Variants in ZNF134 observed in about 807,000 individuals in gnomAD.
ZNF134 encodes the protein zinc finger protein 134 (clone pHZ-15).
ZNF134 carries 5 observed loss-of-function variants against 2.5 expected under a neutral mutation model. The ratio of observed to expected loss-of-function variants is 2.03; its 90% CI spans 1.06 to 4.27. The LOEUF (loss-of-function observed/expected upper bound fraction) is 4.27. ZNF134 is among the 30% of genes most tolerant of loss of function. The probability of loss-of-function intolerance (pLI) is 0.00; values close to 1 mark genes in which losing one functional copy is unlikely to be tolerated. For synonymous variants in ZNF134, 176 were observed against 176.2 expected, an observed-to-expected ratio of 1.00 and a Z score of 0.01; for missense variants, 540 against 517.5, an observed-to-expected ratio of 1.04 and a Z score of -0.42.
chr19:57,619,473 C>G lies in ZNF134; in HGVS notation c.5C>G (p.Thr2Ser). ...ACTCTGGCTGCCTGAGAGGGCATGA[C>G]TCTAGTCACAGCAGGAGGGGCTTGG... M[T>S]LVTAGGAWTG... Residue 2 changes from threonine to serine, a missense_variant, in exon 2 of 3, where the codon ACT becomes AGT. By Grantham distance (58) the Thr-to-Ser change is moderately conservative (BLOSUM62 1). Transcript: ENST00000396161. The G allele has an allele frequency of 6.2e-7, 1 of 1,606,120 alleles. No homozygotes were observed. Among genetic ancestry groups the G allele is most frequent in the Non-Finnish European group, 8.5e-7 (1 of 1,176,508 alleles).
Position 57,620,866 on chromosome 19 carries a change from G to A in ZNF134, c.747G>A (p.Gln249=), listed in dbSNP as rs1203604212. The A allele has an allele frequency of 6.2e-7, 1 of 1,614,058 alleles. No individual in the cohort carries two copies. Among genetic ancestry groups the A allele is most frequent in the Non-Finnish European group, 8.5e-7 (1 of 1,180,038 alleles). The change falls in exon 3 of 3, where the codon CAG becomes CAA. Residue 249 remains glutamine, a synonymous_variant. Coordinates refer to ENST00000396161, the MANE Select transcript of ZNF134 (RefSeq NM_003435.5). ...KTFSRKDNLT[Q]HKRIHTGEMP... is the part of the protein sequence containing the mutation. ...TCAGTCGAAAAGACAACCTTACTCA[G>A]CACAAGAGAATCCACACTGGAGAAA... is the stretch of plus-strand genomic sequence containing the variant.
Position 57,621,215 on chromosome 19 carries a change from C to G in ZNF134, c.1096C>G (p.His366Asp). 1 of 1,614,172 alleles carries G rather than the reference C, an allele frequency of 6.2e-7. No individual in the cohort carries two copies. Among genetic ancestry groups the G allele is most frequent in the Non-Finnish European group, 8.5e-7 (1 of 1,180,034 alleles). Reference sequence around the variant, plus strand: ...TGACTATATTGCACACCAGAGGGTTCACACTGGTGAAAGGCCTTTTGTGTG... The same window carrying G: ...TGACTATATTGCACACCAGAGGGTTGACACTGGTGAAAGGCCTTTTGTGTG... ...SSDYIAHQRVHTGERPFVCSK... is the reference protein window; with the variant it reads ...SSDYIAHQRVDTGERPFVCSK... The change falls in exon 3 of 3, where the codon CAC (histidine) becomes GAC (aspartate). Residue 366 changes from histidine (H) to aspartate (D), a missense_variant. His to Asp is a moderately conservative substitution (Grantham distance 81). Transcript: ENST00000396161.
rs147377351 is a variant in ZNF134, at chr19:57,617,726, A to G, written c.-57-1686A>G. Among the ~76,000 whole-genome samples the G allele has an allele frequency of 1.9e-4, 29 of 152,302 alleles. No homozygotes were observed. The East Asian group carries it at 3.3e-3, about 17-fold the overall frequency. ...CTTCCAATTTAGAGAGAGAATCTTT[A>G]GGTCATGGTGACAGTGCCATCAGCA... is the stretch of plus-strand genomic sequence containing the variant. On this transcript the variant is annotated intron_variant, in intron 1 of 2. Coordinates refer to ENST00000396161, the MANE Select transcript of ZNF134 (RefSeq NM_003435.5).
In ZNF134 at chr19:57,620,500, G is replaced by A. The variant is rs377534491; in HGVS notation, c.381G>A (p.Pro127=). 121 of 1,614,076 alleles carry A rather than the reference G, an allele frequency of 7.5e-5. No homozygotes were observed. The highest frequency in any genetic ancestry group is 9.2e-5 in the Non-Finnish European group (109 of 1,180,042). ...GCACAGTTAGCAAAGAACCTCATCC[G>A]TCAGAGAAGCCCTTTACGTGTAAGG... The part of the protein sequence containing the change: ...KNCTVSKEPH[P]SEKPFTCKEE... Residue 127 remains proline, a synonymous_variant, in exon 3 of 3, where the codon CCG becomes CCA. Coordinates refer to ENST00000396161, the MANE Select transcript of ZNF134 (RefSeq NM_003435.5).
rs373945795 is a variant in ZNF134 at position 57,620,347 on chromosome 19, A to G, written c.228A>G (p.Lys76=). ...ACCAGGGTACACACCATGGACTGAAACTTCACACATGTGGGGCATGTGGGA... is the reference window on the plus strand; with the variant it reads ...ACCAGGGTACACACCATGGACTGAAGCTTCACACATGTGGGGCATGTGGGA... ...DEHQGTHHGL[K]LHTCGACGRQ... Residue 76 remains lysine (K), a synonymous_variant, in exon 3 of 3, where the codon AAA becomes AAG. Coordinates refer to ENST00000396161, the MANE Select transcript of ZNF134 (RefSeq NM_003435.5). 8.7e-6 allele frequency: 14 copies of G among 1,614,198 alleles called. No individual in the cohort carries two copies. In the African/African-American group the frequency reaches 1.7e-4, roughly 20 times the overall value.
At position 57,621,037 on chromosome 19, in the gene ZNF134, T is replaced by C; in HGVS notation, c.918T>C (p.His306=). 3.7e-6 allele frequency: 6 copies of C among 1,613,714 alleles called. No individual in the cohort carries two copies. The South Asian group carries it at 5.5e-5, about 15-fold the overall frequency. ...GACACAAATCTACACTTGTTCAGCA[T>C]GAGAGTATTCACACTGGAGAAAATC... ...VFRHKSTLVQ[H]ESIHTGENPY... Residue 306 remains histidine (H), a synonymous_variant, in exon 3 of 3, where the codon CAT becomes CAC. Transcript: ENST00000396161.
rs1486050001 is a variant in ZNF134 at position 57,619,831 on chromosome 19, A to G, written c.40+323A>G. 3.9e-5 allele frequency among the ~76,000 whole-genome samples: 6 copies of G among 152,084 alleles called. No homozygotes were observed. The East Asian group carries it at 9.6e-4, about 24-fold the overall frequency. ...GAACACGTTACTTATTTTTAATCAC[A>G]TTTTCCTGGGCCTGTACTCACATTT... On this transcript the variant is annotated intron_variant, in intron 2 of 2. Transcript: ENST00000396161.
chr19:57,621,188 T>G lies in ZNF134; in HGVS notation c.1069T>G (p.Ser357Ala). 6.2e-7 allele frequency: 1 copy of G among 1,614,202 alleles called. No individual in the cohort carries two copies. Among genetic ancestry groups the G allele is most frequent in the Non-Finnish European group, 8.5e-7 (1 of 1,180,034 alleles). ...ATGCGGGAAATTCTTTAGTCGAAGT[T>G]CTGACTATATTGCACACCAGAGGGT... Reference protein sequence around the residue: ...IECGKFFSRSSDYIAHQRVHT... With the variant: ...IECGKFFSRSADYIAHQRVHT... The change falls in exon 3 of 3, where the codon TCT becomes GCT. Residue 357 changes from serine (S) to alanine (A), a missense_variant. Physicochemically the swap from Ser to Ala is moderately conservative, Grantham distance 99 (BLOSUM62 1). Transcript: ENST00000396161.
rs1287203703 is a variant in ZNF134, at chr19:57,621,519, G to A, written c.*116G>A. Reference sequence around the variant, plus strand: ...GTACGTGGGAACCTTCTAGGGATATGTTGCACTTTCTGACTTGCTCAGGTT... The same window carrying A: ...GTACGTGGGAACCTTCTAGGGATATATTGCACTTTCTGACTTGCTCAGGTT... On this transcript the variant is annotated 3_prime_UTR_variant, in exon 3 of 3. Coordinates refer to ENST00000396161, the MANE Select transcript of ZNF134 (RefSeq NM_003435.5). 1 of 1,518,066 alleles carries A rather than the reference G, an allele frequency of 6.6e-7. No homozygotes were observed. The highest frequency in any genetic ancestry group is 9.0e-7 in the Non-Finnish European group (1 of 1,106,378). The allele number at this position is 1,518,066 out of a possible 1,614,324, so 94.0% of individuals were successfully genotyped here. A position where few individuals can be genotyped will look rare whatever the true frequency, so the allele number is the denominator to read the frequency against.
Position 57,620,911 on chromosome 19 carries a change from A to T in ZNF134, c.792A>T (p.Glu264Asp). 2 of 1,614,242 alleles carry T rather than the reference A, an allele frequency of 1.2e-6. No individual in the cohort carries two copies. The highest frequency in any genetic ancestry group is 1.7e-6 in the Non-Finnish European group (2 of 1,180,042). The change falls in exon 3 of 3, where the codon GAA becomes GAT. Residue 264 changes from glutamate (E) to aspartate (D), a missense_variant. Physicochemically the swap from Glu to Asp is conservative, Grantham distance 45. Transcript: ENST00000396161. ...GAGAAATGCCTTATAAGTGCAATGA[A>T]TGTGGGAAATATTTTAGCCATCACT... ...HTGEMPYKCNECGKYFSHHSN... is the reference protein window; with the variant it reads ...HTGEMPYKCNDCGKYFSHHSN...
chr19:57,615,410 G>T lies in ZNF134; in HGVS notation c.-58+907G>T, dbSNP rs545962634. Among the ~76,000 whole-genome samples the T allele has an allele frequency of 1.8e-4, 27 of 151,984 alleles. No homozygotes were observed. In the South Asian group the frequency reaches 3.3e-3, roughly 19 times the overall value. ...GTGGAAGGCCAGGGATGAAGGGGTGGACACTTAAGATTCCTTCCAGAAAGG... is the reference window on the plus strand; with the variant it reads ...GTGGAAGGCCAGGGATGAAGGGGTGTACACTTAAGATTCCTTCCAGAAAGG... On this transcript the variant is annotated intron_variant, in intron 1 of 2. Transcript: ENST00000396161.
intron 2 of ZNF134, 113 bp downstream of exon 2, chr19:57,619,621 C>T: frequency 1.7e-6 from 2 of 1,162,754 alleles, no homozygotes; most frequent in Non-Finnish European, 2.4e-6. Context: ...TTATTTCTAC[C>T]TTTTTATCCC....
rs201779544 is a variant in ZNF134 at position 57,620,825 on chromosome 19, G to A, written c.706G>A (p.Glu236Lys). The A allele has an allele frequency of 4.8e-4, 769 of 1,614,190 alleles. 1 individual carries two copies. The highest frequency in any genetic ancestry group is 5.1e-4 in the Non-Finnish European group (597 of 1,180,030). Reference sequence around the variant, plus strand: ...TGGAGAAAGGCCTTATGAATGCAGCGAATGTGGAAAAACCTTCAGTCGAAA... The same window carrying A: ...TGGAGAAAGGCCTTATGAATGCAGCAAATGTGGAAAAACCTTCAGTCGAAA... ...HTGERPYECS[E>K]CGKTFSRKDN... Residue 236 changes from glutamate (E) to lysine (K), a missense_variant, in exon 3 of 3, where the codon GAA becomes AAA. Glu to Lys is a moderately conservative substitution (Grantham distance 56). Transcript: ENST00000396161.
chr19:57,621,399 T>G lies in ZNF134; in HGVS notation c.1280T>G (p.Leu427Arg). 1 of 1,613,020 alleles carries G rather than the reference T, an allele frequency of 6.2e-7. No homozygotes were observed. The highest frequency in any genetic ancestry group is 8.5e-7 in the Non-Finnish European group (1 of 1,180,020). The change falls in exon 3 of 3, where the codon CTT (leucine) becomes CGT (arginine). Residue 427 changes from leucine (L) to arginine (R), a missense_variant. Leu to Arg is a moderately radical substitution (Grantham distance 102, BLOSUM62 -2). Transcript: ENST00000396161. ...RHQKVHTAGR[L>R] ...CAGAAAGTTCACACTGCAGGCAGGC[T>G]TTAGGAGTGCTTTGAATACAACAGG...
At position 57,621,197 on chromosome 19, in the gene ZNF134, A is replaced by G. The variant is rs781312286; in HGVS notation, c.1078A>G (p.Ile360Val). Reference sequence around the variant, plus strand: ...ATTCTTTAGTCGAAGTTCTGACTATATTGCACACCAGAGGGTTCACACTGG... The same window carrying G: ...ATTCTTTAGTCGAAGTTCTGACTATGTTGCACACCAGAGGGTTCACACTGG... ...GKFFSRSSDY[I>V]AHQRVHTGER... is the part of the protein sequence containing the mutation. The change falls in exon 3 of 3, where the codon ATT becomes GTT. Residue 360 changes from isoleucine to valine, a missense_variant. Coordinates refer to ENST00000396161, the MANE Select transcript of ZNF134 (RefSeq NM_003435.5). 159 of 1,614,080 alleles carry G rather than the reference A, an allele frequency of 9.9e-5. No individual in the cohort carries two copies. The highest frequency in any genetic ancestry group is 1.3e-4 in the Non-Finnish European group (156 of 1,180,046).
rs1568631282 is a variant in ZNF134 at position 57,622,309 on chromosome 19, A to G, written c.*906A>G. ...GTTCCTCAGGACCTGCTGAGTGGCC[A>G]TATTCCCTGAAGGCCTGAATCTGTT... On this transcript the variant is annotated 3_prime_UTR_variant, in exon 3 of 3. Coordinates refer to ENST00000396161, the MANE Select transcript of ZNF134 (RefSeq NM_003435.5). The G allele has an allele frequency of 6.6e-6, 1 of 152,240 alleles. No individual in the cohort carries two copies. Among genetic ancestry groups the G allele is most frequent in the Admixed American group, 6.5e-5 (1 of 15,280 alleles). The allele number at this position is 152,240 out of a possible 1,614,324, so 9.4% of individuals were successfully genotyped here.
chr19:57,620,864 C>T lies in ZNF134; in HGVS notation c.745C>T (p.Gln249Ter). 1 of 1,614,194 alleles carries T rather than the reference C, an allele frequency of 6.2e-7. No individual in the cohort carries two copies. Among genetic ancestry groups the T allele is most frequent in the Non-Finnish European group, 8.5e-7 (1 of 1,180,042 alleles). Residue 249 changes from glutamine (Q) to a stop codon, truncating the protein, a stop_gained, in exon 3 of 3, where the codon CAG (glutamine) becomes TAG (stop). Transcript: ENST00000396161. LOFTEE classifies it low-confidence loss of function (END_TRUNC). Reference protein sequence around the residue: ...KTFSRKDNLTQHKRIHTGEMP... With the variant: ...KTFSRKDNLT ...CTTCAGTCGAAAAGACAACCTTACTCAGCACAAGAGAATCCACACTGGAGA... is the reference window on the plus strand; with the variant it reads ...CTTCAGTCGAAAAGACAACCTTACTTAGCACAAGAGAATCCACACTGGAGA...
rs776038079 is a variant in ZNF134 at position 57,620,198 on chromosome 19, G to T, written c.79G>T (p.Glu27Ter). 2.3e-5 allele frequency: 37 copies of T among 1,614,128 alleles called. 3 individuals are homozygous for T. In the South Asian group the frequency reaches 4.0e-4, roughly 17 times the overall value. ...HEVKDEESSS[E>*]QSISIAVSHV... is the part of the protein sequence containing the mutation. ...AGTGAAGGATGAAGAGTCATCTTCT[G>T]AACAGAGCATTTCTATAGCAGTGTC... Residue 27 changes from glutamate to a stop codon, truncating the protein, a stop_gained, in exon 3 of 3, where the codon GAA becomes TAA. Coordinates refer to ENST00000396161, the MANE Select transcript of ZNF134 (RefSeq NM_003435.5). LOFTEE classifies it low-confidence loss of function (END_TRUNC).
In ZNF134 at chr19:57,621,478, T is replaced by C. The variant is rs749809210; in HGVS notation, c.*75T>C. 8 of 1,595,136 alleles carry C rather than the reference T, an allele frequency of 5.0e-6. No individual in the cohort carries two copies. The Admixed American group carries it at 1.3e-4, about 27-fold the overall frequency. ...TATCTGAACATTGACACAAAGGAGA[T>C]ACCTTATGGTGCCAGGTACGTGGGA... On this transcript the variant is annotated 3_prime_UTR_variant, in exon 3 of 3. Transcript: ENST00000396161.
Sources: gnomAD v4.1 joint callset for allele counts (sites outside exome capture counted in the v4.1 genomes callset) on GRCh38, gnomAD v4.1.1 for gene constraint, MANE v1.5 for transcripts, NCBI Gene and HGNC (gene_info 2026-07-23, HGNC 2026-07-21) for gene names.